RAB3GAP2: variants seen among roughly 807,000 people sequenced by gnomAD.
The protein encoded by RAB3GAP2 is rab3 GTPase-activating protein non-catalytic subunit.
RAB3GAP2 carries 87 observed loss-of-function variants against 185.3 expected under a neutral mutation model. The observed-to-expected ratio is 0.47, with a 90% CI of 0.39 to 0.56. RAB3GAP2 has a LOEUF of 0.56. RAB3GAP2 is among the 20% of genes least tolerant of loss of function. The pLI is 0.00. For missense variants in RAB3GAP2, 1,492 were observed against 1,638.2 expected (o/e 0.91, Z 1.54); for synonymous variants, 554 against 576.1 (o/e 0.96, Z 0.55).
intron 2 of RAB3GAP2, among the ~76,000 whole-genome samples, chr1:220,218,081 C>G (rs1167672284): frequency 6.6e-6 from 1 of 152,204 alleles, no homozygotes; most frequent in East Asian, 1.9e-4. Context: ...TATCCCTAAC[C>G]TGCTTAGCCA....
At chr1:220,265,922 C>T (rs941049345) in intron 1 of RAB3GAP2, 2 of 152,148 alleles carry the variant, frequency 1.3e-5, no homozygotes, top group East Asian at 2.0e-4. Flanking sequence ...GAGGCCCTGT[C>T]TCTAAAAAAC....
At position 220,154,483 on chromosome 1, in the gene RAB3GAP2, C is replaced by A. The variant is rs369278211; in HGVS notation, c.3556-426G>T. Reference sequence around the variant, plus strand: ...AGAGGCACATGTGGCATAACTGAATCTTGCCAACAATTGTGCTTAGAAGTG... The same window carrying A: ...AGAGGCACATGTGGCATAACTGAATATTGCCAACAATTGTGCTTAGAAGTG... On this transcript the variant is annotated intron_variant, in intron 31 of 34. Coordinates refer to ENST00000358951, the MANE Select transcript of RAB3GAP2 (RefSeq NM_012414.4). 2.8e-4 allele frequency: 50 copies of A among 180,920 alleles called. 1 individual carries two copies. The East Asian group carries it at 6.4e-3, about 23-fold the overall frequency. The allele number at this position is 180,920 out of a possible 1,614,324, so 11.2% of individuals were successfully genotyped here.
rs1297620057 is a variant in RAB3GAP2 at position 220,189,774 on chromosome 1, AG to A, written c.1715-8del. 12 of 1,468,148 alleles carry A rather than the reference AG, an allele frequency of 8.2e-6. No individual in the cohort carries two copies. In the Middle Eastern group the frequency reaches 8.5e-4, roughly 104 times the overall value. The allele number at this position is 1,468,148 out of a possible 1,614,324, so 90.9% of individuals were successfully genotyped here. On this transcript the variant is annotated splice_region_variant and splice_polypyrimidine_tract_variant and intron_variant, in intron 16 of 34. Coordinates refer to ENST00000358951, the MANE Select transcript of RAB3GAP2 (RefSeq NM_012414.4). ...ATTTCTGTTTCAACCAAATCTATAA[AG>A]AAAAAAATAATCAAAGTAAAATTTT...
chr1:220,149,092 C>G lies in RAB3GAP2; in HGVS notation c.*2159G>C. 1 of 152,126 alleles carries G rather than the reference C, an allele frequency of 6.6e-6. No individual in the cohort carries two copies. The highest frequency in any genetic ancestry group is 1.9e-4 in the East Asian group (1 of 5,198). The allele number at this position is 152,126 out of a possible 1,614,324, so 9.4% of individuals were successfully genotyped here. A position where few individuals can be genotyped will look rare whatever the true frequency, so the allele number is the denominator to read the frequency against. ...TCTAATTCCTTTATCATCTATGGCT[C>G]TTTGTTATTATAGAATGTCTACATA... On this transcript the variant is annotated 3_prime_UTR_variant, in exon 35 of 35. Transcript: ENST00000358951.
At chr1:220,263,197 T>C (rs1229010886) in intron 1 of RAB3GAP2, among the ~76,000 whole-genome samples, 1 of 152,266 alleles carries the variant, frequency 6.6e-6, no homozygotes, top group Admixed American at 6.5e-5. Context: ...TTCTGGATAT[T>C]AATCCCATAT....
chr1:220,271,952 G>A lies in RAB3GAP2; in HGVS notation c.115+271C>T, dbSNP rs547545427. ...GGTGGGGGGAGGGAGGGAGAAAGCG[G>A]TGATAGGCAGAGGCGAGAGGAAACA... On this transcript the variant is annotated intron_variant, in intron 1 of 34. Coordinates refer to ENST00000358951, the MANE Select transcript of RAB3GAP2 (RefSeq NM_012414.4). 3.3e-5 allele frequency among the ~76,000 whole-genome samples: 5 copies of A among 151,510 alleles called. No individual in the cohort carries two copies. In the South Asian group the frequency reaches 1.0e-3, roughly 32 times the overall value.
intron 32 of RAB3GAP2, 136 bp from the exon 33 acceptor site, chr1:220,153,542 C>G: frequency 3.9e-6 from 3 of 761,944 alleles, no homozygotes; most frequent in Non-Finnish European, 6.7e-6. Flanking sequence ...AAAAGGAACA[C>G]ATCATTTAAA....
chr1:220,243,806 G>GT (rs758486846), intron 1 of RAB3GAP2, among the ~76,000 whole-genome samples: 25 of 152,238 alleles, frequency 1.6e-4, no homozygotes, highest in Non-Finnish European at 5.9e-5. Context: ...ACAGAAAATA[G>GT]TTTTTTCTTA....
chr1:220,182,930 T>C lies in RAB3GAP2; in HGVS notation c.2000A>G (p.Asp667Gly). Residue 667 changes from aspartate to glycine, a missense_variant and splice_region_variant, in exon 20 of 35, where the codon GAC becomes GGC. By Grantham distance (94) the Asp-to-Gly change is moderately conservative. This residue lies in a region of RAB3GAP2 where 681 missense variants were observed against 689.1 expected (regional missense o/e 0.99). Transcript: ENST00000358951. ...ATCAAGCCTTAGTAACAGAGCCAAG[T>C]CCTTTAAAACAGAAAACAAAACAAA... ...FHLDTPFSDN[D>G]LALLLRLDEK... 1.2e-6 allele frequency: 2 copies of C among 1,609,168 alleles called. No individual in the cohort carries two copies. The highest frequency in any genetic ancestry group is 1.7e-6 in the Non-Finnish European group (2 of 1,176,302).
In RAB3GAP2 at chr1:220,200,072, C is replaced by A. The variant is rs199561641; in HGVS notation, c.811+2204G>T. Among the ~76,000 whole-genome samples, 5 of 152,342 alleles carry A rather than the reference C, an allele frequency of 3.3e-5. No homozygotes were observed. The East Asian group carries it at 9.6e-4, about 29-fold the overall frequency. On this transcript the variant is annotated intron_variant, in intron 9 of 34. Transcript: ENST00000358951. ...TCTAACCCCAGTCTGCATCTCCAAC[C>A]TAACCTTGTCCTGTTTTCCCCTCAC...
intron 10 of RAB3GAP2, 79 bp from the exon 11 acceptor site, chr1:220,195,456 T>A: frequency 7.6e-7 from 1 of 1,318,664 alleles, no homozygotes; most frequent in Non-Finnish European, 1.1e-6. Context: ...AAGCTTACTT[T>A]AAAATGCTTT....
intron 1 of RAB3GAP2, 98 bp downstream of exon 1, chr1:220,272,125 G>T: frequency 9.7e-7 from 1 of 1,035,720 alleles, no homozygotes; most frequent in Non-Finnish European, 1.5e-6. Context: ...GGTCCAGAGG[G>T]CAGAGGCAGG....
At chr1:220,267,980 C>A (rs1571938826) in intron 1 of RAB3GAP2, 1 of 587,126 alleles carries the variant, frequency 1.7e-6, no homozygotes, top group East Asian at 2.8e-5. Flanking sequence ...ACTTTTAAAC[C>A]AACTGATACA....
In RAB3GAP2 at chr1:220,171,973, A is replaced by G. The variant is rs1411766284; in HGVS notation, c.2493T>C (p.Ser831=). The change falls in exon 23 of 35, where the codon TCT becomes TCC. Residue 831 remains serine, a synonymous_variant. Transcript: ENST00000358951. ...WQQMRTACIQ[S]ENNGAALLSA... ...ACAACAGAGCGGCTCCATTGTTCTCAGACTGAATACAGGCTGTGCGCATCT... is the reference window on the plus strand; with the variant it reads ...ACAACAGAGCGGCTCCATTGTTCTCGGACTGAATACAGGCTGTGCGCATCT... 1.2e-6 allele frequency: 2 copies of G among 1,614,098 alleles called. No individual in the cohort carries two copies. The highest frequency in any genetic ancestry group is 2.7e-5 in the African/African-American group (2 of 74,928).
At chr1:220,195,018 C>G in intron 12 of RAB3GAP2, 60 bp downstream of exon 12, 2 of 1,474,328 alleles carry the variant, frequency 1.4e-6, no homozygotes, top group Non-Finnish European at 1.9e-6. Flanking sequence ...CACGGAAAGA[C>G]CATACATTTA....
intron 2 of RAB3GAP2, among the ~76,000 whole-genome samples, chr1:220,223,609 C>T (rs965990828): frequency 1.3e-5 from 2 of 151,602 alleles, no homozygotes; most frequent in African/African-American, 4.9e-5. Flanking sequence ...CTGAGAACAG[C>T]AAGAGAAAAG....
chr1:220,236,213 T>C (rs146543638), intron 1 of RAB3GAP2, among the ~76,000 whole-genome samples: 1 of 152,182 alleles, frequency 6.6e-6, no homozygotes. Flanking sequence ...AGTCTTGTTC[T>C]GTCACCAGGC....
intron 2 of RAB3GAP2, among the ~76,000 whole-genome samples, chr1:220,221,353 A>G (rs1370064382): frequency 2.6e-5 from 4 of 152,222 alleles, no homozygotes; most frequent in Non-Finnish European, 5.9e-5. Context: ...TAGATGGCTA[A>G]GTATTAAAAG....
chr1:220,171,405 A>G (rs1245719330), intron 23 of RAB3GAP2, among the ~76,000 whole-genome samples: 1 of 152,212 alleles, frequency 6.6e-6, no homozygotes, highest in African/African-American at 2.4e-5. Flanking sequence ...CATCTTTGGC[A>G]AGGGCCAAGT....
Sources: gnomAD v4.1 joint callset for allele counts (sites outside exome capture counted in the v4.1 genomes callset) on GRCh38, gnomAD v4.1.1 for gene constraint, gnomAD v4.1.1 regional missense constraint, MANE v1.5 for transcripts, NCBI Gene and HGNC (gene_info 2026-07-23, HGNC 2026-07-21) for gene names.